Variants in SLC4A10 observed in about 807,000 individuals in gnomAD.
The protein encoded by SLC4A10 is solute carrier family 4 member 10.
Under a neutral mutation model 137.7 loss-of-function variants are expected in SLC4A10, and 42 were observed. The ratio of observed to expected loss-of-function variants is 0.30; its 90% CI spans 0.24 to 0.39. The LOEUF (loss-of-function observed/expected upper bound fraction) is 0.39. Ranked by LOEUF, SLC4A10 falls within the 10% of genes least tolerant of loss-of-function variation. The pLI is 1.00. For missense variants in SLC4A10, 925 were observed against 1,355.0 expected (o/e 0.68, Z 4.98); for synonymous variants, 474 against 464.1 (o/e 1.02, Z -0.27).
At chr2:161,931,385 A>G (rs58510689) in intron 15 of SLC4A10, 10,225 of 152,412 alleles carry the variant, frequency 0.067, 450 homozygotes, top group East Asian at 0.13. Flanking sequence ...AATCAGCTCC[A>G]GCTTCTGGAG....
At chr2:161,710,419 T>C (rs979015444) in intron 1 of SLC4A10, among the ~76,000 whole-genome samples, 1 of 151,684 alleles carries the variant, frequency 6.6e-6, no homozygotes, top group Non-Finnish European at 1.5e-5. Flanking sequence ...GATTTTTAGT[T>C]ACTTTCTGTT....
chr2:161,968,215 T>C (rs1315657391), intron 23 of SLC4A10, among the ~76,000 whole-genome samples: 1 of 152,216 alleles, frequency 6.6e-6, no homozygotes, highest in Non-Finnish European at 1.5e-5. Flanking sequence ...GTAAATTTAT[T>C]AGAATTTGCC....
chr2:161,939,845 C>T (rs1226036435), intron 15 of SLC4A10, among the ~76,000 whole-genome samples: 1 of 151,890 alleles, frequency 6.6e-6, no homozygotes, highest in Non-Finnish European at 1.5e-5. Context: ...ATATAGAAAT[C>T]TTTATGTAAT....
Position 161,956,966 on chromosome 2 carries a change from CTCTT to C in SLC4A10, c.2542-13_2542-10del, listed in dbSNP as rs751180672. 223 of 1,540,670 alleles carry C rather than the reference CTCTT, an allele frequency of 1.4e-4. No individual in the cohort carries two copies. In the African/African-American group the frequency reaches 1.5e-3, roughly 10 times the overall value. On this transcript the variant is annotated intron_variant, in intron 19 of 26. Transcript: ENST00000446997. The stretch of plus-strand genomic sequence containing the variant: ...CCTGTTATTGACACAGTTTCTTTCT[CTCTT>C]TCTTTCTTTTTTAAACAGAAAGGTT...
chr2:161,856,040 G>C (rs2060081208), intron 5 of SLC4A10, among the ~76,000 whole-genome samples: 1 of 151,954 alleles, frequency 6.6e-6, no homozygotes, highest in African/African-American at 2.4e-5. Flanking sequence ...TTAATCTGCA[G>C]AACAGCCCCA....
chr2:161,688,876 T>C (rs1416274466), intron 1 of SLC4A10, among the ~76,000 whole-genome samples: 1 of 152,164 alleles, frequency 6.6e-6, no homozygotes, highest in Non-Finnish European at 1.5e-5. Context: ...CATAAGATTA[T>C]AATGGAGCTG....
intron 17 of SLC4A10, among the ~76,000 whole-genome samples, 193 bp downstream of exon 17, chr2:161,947,920 T>G (rs895287140): frequency 5.9e-5 from 9 of 152,140 alleles, no homozygotes; most frequent in African/African-American, 2.2e-4. Flanking sequence ...GCTTTTCTCC[T>G]AACTGCAAAC....
chr2:161,743,416 A>G (rs1251524650), intron 1 of SLC4A10, among the ~76,000 whole-genome samples: 1 of 152,196 alleles, frequency 6.6e-6, no homozygotes, highest in African/African-American at 2.4e-5. Flanking sequence ...ATTATCAAAA[A>G]TGAGTTCACT....
At chr2:161,942,740 A>G (rs1453329922) in intron 15 of SLC4A10, 52 bp from the exon 16 acceptor site, 37 of 1,377,178 alleles carry the variant, frequency 2.7e-5, no homozygotes, top group Non-Finnish European at 3.4e-5. Flanking sequence ...AGTCTTCGGT[A>G]CAGTCACAAA....
chr2:161,816,974 T>C (rs2057136709), intron 3 of SLC4A10, among the ~76,000 whole-genome samples: 1 of 152,212 alleles, frequency 6.6e-6, no homozygotes, highest in Non-Finnish European at 1.5e-5. Context: ...GCATGATTTA[T>C]AGTCCTTTGG....
In SLC4A10 at chr2:161,929,203, C is replaced by G. The variant is rs554971296; in HGVS notation, c.1998-13589C>G. ...ACAATATATTACTAATTTACTTCAA[C>G]GAGAAAGAGACTCTTGCTTCTAGTG... On this transcript the variant is annotated intron_variant, in intron 15 of 26. Transcript: ENST00000446997. 2.6e-5 allele frequency among the ~76,000 whole-genome samples: 4 copies of G among 152,234 alleles called. No homozygotes were observed. The South Asian group carries it at 8.3e-4, about 32-fold the overall frequency.
At chr2:161,913,393 A>G (rs1025517426) in intron 15 of SLC4A10, among the ~76,000 whole-genome samples, 1 of 152,182 alleles carries the variant, frequency 6.6e-6, no homozygotes, top group Non-Finnish European at 1.5e-5. Context: ...CTTAATAACC[A>G]TTCTAAATGA....
At chr2:161,980,610 C>G (rs1700086919) in intron 26 of SLC4A10, among the ~76,000 whole-genome samples, 3 of 152,254 alleles carry the variant, frequency 2.0e-5, no homozygotes, top group South Asian at 4.2e-4. Flanking sequence ...GATTGTGCCA[C>G]TGCACTCCAG....
chr2:161,676,788 A>G (rs559488501), intron 1 of SLC4A10, among the ~76,000 whole-genome samples: 2 of 152,158 alleles, frequency 1.3e-5, no homozygotes, highest in African/African-American at 2.4e-5. Context: ...ATATTCAGGT[A>G]TGTTTAGAAA....
intron 4 of SLC4A10, among the ~76,000 whole-genome samples, chr2:161,845,477 G>C (rs1030734422): frequency 6.6e-6 from 1 of 151,858 alleles, no homozygotes; most frequent in Admixed American, 6.6e-5. Context: ...ACTTATATTT[G>C]GTCATCTTAA....
chr2:161,842,470 T>C (rs1452630324), intron 4 of SLC4A10, among the ~76,000 whole-genome samples: 1 of 152,092 alleles, frequency 6.6e-6, no homozygotes, highest in African/African-American at 2.4e-5. Flanking sequence ...ATTTTTTTCA[T>C]GTGAACGAAC....
chr2:161,834,677 A>T (rs1371512947), intron 3 of SLC4A10, among the ~76,000 whole-genome samples: 1 of 151,386 alleles, frequency 6.6e-6, no homozygotes, highest in African/African-American at 2.4e-5. Context: ...ACACACACAC[A>T]CACACACACA....
chr2:161,787,191 A>G lies in SLC4A10; in HGVS notation c.130+16137A>G, dbSNP rs150750269. ...CTTTGCTTATGAAGCTTAGTTAGGCAGGATATACAATTTGGGGCTATAATT... is the reference window on the plus strand; with the variant it reads ...CTTTGCTTATGAAGCTTAGTTAGGCGGGATATACAATTTGGGGCTATAATT... On this transcript the variant is annotated intron_variant, in intron 2 of 26. Transcript: ENST00000446997. Among the ~76,000 whole-genome samples the G allele has an allele frequency of 7.0e-3, 1,058 of 152,208 alleles. 13 individuals are homozygous for G. The highest frequency in any genetic ancestry group is 0.023 in the African/African-American group (953 of 41,554).
intron 11 of SLC4A10, among the ~76,000 whole-genome samples, chr2:161,895,922 A>G (rs1466592382): frequency 6.6e-6 from 1 of 151,236 alleles, no homozygotes; most frequent in African/African-American, 2.4e-5. Flanking sequence ...GTTTAATTAG[A>G]TCCCATTTGT....
Sources: gnomAD v4.1 joint callset for allele counts (sites outside exome capture counted in the v4.1 genomes callset) on GRCh38, gnomAD v4.1.1 for gene constraint, MANE v1.5 for transcripts, NCBI Gene and HGNC (gene_info 2026-07-23, HGNC 2026-07-21) for gene names.